DNAJC1: variants seen among roughly 807,000 people sequenced by gnomAD.
The protein encoded by DNAJC1 is DnaJ heat shock protein family (Hsp40) member C1.
In DNAJC1, 58 loss-of-function variants were observed where a neutral mutation model predicts 76.6. The ratio of observed to expected loss-of-function variants is 0.76; its 90% confidence interval spans 0.61 to 0.94. The LOEUF (loss-of-function observed/expected upper bound fraction) is 0.94, where lower values mean the gene tolerates loss of function less well. Among genes scored for constraint, DNAJC1 ranks in the 40% least tolerant of loss-of-function variants. DNAJC1 has a pLI of 0.00. For missense variants in DNAJC1, 689 were observed against 677.3 expected, an observed-to-expected ratio of 1.02 and a Z score of -0.19; for synonymous variants, 258 against 267.9, an observed-to-expected ratio of 0.96 and a Z score of 0.36.
At chr10:21,756,781 A>G (rs1324570112) in intron 11 of DNAJC1, 26 bp from the exon 12 acceptor site, 5 of 1,608,764 alleles carry the variant, frequency 3.1e-6, no homozygotes, top group Non-Finnish European at 4.2e-6. Flanking sequence ...AAGAGAGGTG[A>G]GAACAGTCAC....
chr10:21,809,932 G>T (rs1834937772), intron 8 of DNAJC1, among the ~76,000 whole-genome samples: 1 of 151,718 alleles, frequency 6.6e-6, no homozygotes, highest in East Asian at 1.9e-4. Context: ...GTCTTCACAT[G>T]GCCTTTCATG....
chr10:21,961,054 T>C (rs967440540), intron 1 of DNAJC1, among the ~76,000 whole-genome samples: 22 of 152,206 alleles, frequency 1.4e-4, no homozygotes, highest in Non-Finnish European at 2.6e-4. Context: ...CTACAATCAT[T>C]ATAATTTTTA....
At chr10:21,944,554 T>C (rs1293516577) in intron 1 of DNAJC1, among the ~76,000 whole-genome samples, 1 of 152,190 alleles carries the variant, frequency 6.6e-6, no homozygotes, top group African/African-American at 2.4e-5. Context: ...TTCCTAATTG[T>C]ATCAATCACA....
At chr10:21,904,138 T>C (rs1394654739) in intron 7 of DNAJC1, among the ~76,000 whole-genome samples, 1 of 152,180 alleles carries the variant, frequency 6.6e-6, no homozygotes, top group Non-Finnish European at 1.5e-5. Flanking sequence ...CAAAAATCAT[T>C]GGTATTTTCA....
intron 6 of DNAJC1, among the ~76,000 whole-genome samples, chr10:21,914,080 C>G (rs979045546): frequency 6.6e-6 from 1 of 152,164 alleles, no homozygotes; most frequent in Non-Finnish European, 1.5e-5. Flanking sequence ...TAATTTCTCA[C>G]TTGACTTTTA....
At chr10:21,879,012 A>G (rs1836230303) in intron 8 of DNAJC1, among the ~76,000 whole-genome samples, 1 of 152,248 alleles carries the variant, frequency 6.6e-6, no homozygotes, top group African/African-American at 2.4e-5. Context: ...AGAGGAAATC[A>G]TACTCAAAGG....
chr10:21,761,890 T>C (rs781079463), intron 10 of DNAJC1, among the ~76,000 whole-genome samples: 2 of 152,222 alleles, frequency 1.3e-5, no homozygotes, highest in Non-Finnish European at 2.9e-5. Context: ...CAATAAAACA[T>C]CTTTGAAAAC....
chr10:21,818,446 T>G (rs909042075), intron 8 of DNAJC1, among the ~76,000 whole-genome samples: 2 of 152,256 alleles, frequency 1.3e-5, no homozygotes, highest in African/African-American at 2.4e-5. Flanking sequence ...TCCTGTGATC[T>G]CGCCCTGCCT....
chr10:21,877,366 G>A (rs1449763488), intron 8 of DNAJC1, among the ~76,000 whole-genome samples: 7 of 151,722 alleles, frequency 4.6e-5, no homozygotes, highest in Non-Finnish European at 8.8e-5. Context: ...AATATAATTA[G>A]TAAGTTCTAG....
intron 8 of DNAJC1, among the ~76,000 whole-genome samples, chr10:21,875,249 G>A (rs1836167253): frequency 6.6e-6 from 1 of 152,076 alleles, no homozygotes; most frequent in South Asian, 2.1e-4. Context: ...TCAAACTCCT[G>A]GACTCAAGAG....
chr10:21,847,827 C>A (rs780243701), intron 8 of DNAJC1, among the ~76,000 whole-genome samples: 1 of 152,026 alleles, frequency 6.6e-6, no homozygotes, highest in Non-Finnish European at 1.5e-5. Context: ...TATATATGGA[C>A]AAACACACCA....
intron 7 of DNAJC1, 76 bp from the exon 8 acceptor site, chr10:21,882,515 C>A: frequency 1.0e-6 from 1 of 962,490 alleles, no homozygotes; most frequent in Non-Finnish European, 1.4e-6. Flanking sequence ...TATTCATAGA[C>A]CATATCCTGA....
chr10:21,882,482 A>G (rs1017842753), intron 7 of DNAJC1, 43 bp from the exon 8 acceptor site: 7 of 1,255,728 alleles, frequency 5.6e-6, no homozygotes, highest in Non-Finnish European at 7.5e-6. Context: ...ATTTTTAAAG[A>G]ATAAAATTAA....
At chr10:21,925,166 TA>T (rs1036493584) in intron 3 of DNAJC1, among the ~76,000 whole-genome samples, 1 of 151,986 alleles carries the variant, frequency 6.6e-6, no homozygotes, top group African/African-American at 2.4e-5. Context: ...CATGCAACAC[TA>T]CACCCTGGTA....
intron 1 of DNAJC1, among the ~76,000 whole-genome samples, chr10:21,947,439 C>A (rs1390704704): frequency 6.6e-6 from 1 of 152,138 alleles, no homozygotes; most frequent in Non-Finnish European, 1.5e-5. Flanking sequence ...TCAGTCTACT[C>A]AATAAGAAGA....
At chr10:21,888,843 G>C (rs1836411197) in intron 7 of DNAJC1, among the ~76,000 whole-genome samples, 1 of 152,040 alleles carries the variant, frequency 6.6e-6, no homozygotes, top group Non-Finnish European at 1.5e-5. Context: ...TTAATATGTG[G>C]GTGATGAAAT....
intron 1 of DNAJC1, among the ~76,000 whole-genome samples, chr10:21,931,298 G>A (rs930170398): frequency 6.6e-5 from 10 of 152,104 alleles, no homozygotes; most frequent in Admixed American, 2.0e-4. Context: ...TCTCTTCTAA[G>A]GAACAGGGCT....
At chr10:21,837,831 G>C (rs1180638146) in intron 8 of DNAJC1, among the ~76,000 whole-genome samples, 1 of 141,334 alleles carries the variant, frequency 7.1e-6, no homozygotes, top group Non-Finnish European at 1.6e-5. Context: ...GAGGTGGGGG[G>C]CAGCCCCCGC....
At chr10:21,972,942 A>C (rs1838003480) in intron 1 of DNAJC1, among the ~76,000 whole-genome samples, 1 of 152,146 alleles carries the variant, frequency 6.6e-6, no homozygotes, top group Non-Finnish European at 1.5e-5. Flanking sequence ...GCCCTTCAAA[A>C]TATGACACCA....
Sources: gnomAD v4.1 joint callset for allele counts (sites outside exome capture counted in the v4.1 genomes callset) on GRCh38, gnomAD v4.1.1 for gene constraint, MANE v1.5 for transcripts, NCBI Gene and HGNC (gene_info 2026-07-23, HGNC 2026-07-21) for gene names.